The following TBL1XR1 variants were observed in gnomAD, a reference collection of about 807,000 sequenced individuals.
TBL1XR1 encodes TBL1X/Y related 1.
In TBL1XR1, 5 loss-of-function variants were observed where a neutral mutation model predicts 66.9. The ratio of observed to expected loss-of-function variants is 0.07; its 90% confidence interval spans 0.04 to 0.16. The LOEUF (loss-of-function observed/expected upper bound fraction) is 0.16. Among genes scored for constraint, TBL1XR1 ranks in the 10% least tolerant of loss-of-function variants. The pLI, the probability that TBL1XR1 is intolerant of heterozygous loss-of-function variation, is 1.00. For missense variants in TBL1XR1, 238 were observed against 623.2 expected (o/e 0.38, Z 6.58); for synonymous variants, 210 against 206.0 (o/e 1.02, Z -0.17).
intron 1 of TBL1XR1, among the ~76,000 whole-genome samples, chr3:177,103,890 G>T (rs2108686597): frequency 6.6e-6 from 1 of 152,182 alleles, no homozygotes; most frequent in South Asian, 2.1e-4. Context: ...CCAAGGCAGG[G>T]AGATCACTTG....
chr3:177,079,358 G>A (rs1721112211), intron 2 of TBL1XR1: 1 of 151,482 alleles, frequency 6.6e-6, no homozygotes, highest in African/African-American at 2.4e-5. Flanking sequence ...TCGTGAACTC[G>A]GGAGGTGGAG....
At chr3:177,080,917 T>G (rs1174438365) in intron 2 of TBL1XR1, among the ~76,000 whole-genome samples, 1 of 152,218 alleles carries the variant, frequency 6.6e-6, no homozygotes, top group Non-Finnish European at 1.5e-5. Context: ...ATGCTAAGGT[T>G]CTTACCTGGC....
At chr3:177,117,767 C>T (rs983207944) in intron 1 of TBL1XR1, among the ~76,000 whole-genome samples, 5 of 152,162 alleles carry the variant, frequency 3.3e-5, no homozygotes, top group Admixed American at 3.3e-4. Flanking sequence ...ATAAACTCTA[C>T]TTCTATGCCA....
At chr3:177,151,435 A>C (rs892687347) in intron 1 of TBL1XR1, among the ~76,000 whole-genome samples, 2 of 152,214 alleles carry the variant, frequency 1.3e-5, no homozygotes, top group African/African-American at 4.8e-5. Flanking sequence ...GATCAGCTAC[A>C]GCATTAGATT....
At chr3:177,119,025 G>A (rs1726659862) in intron 1 of TBL1XR1, among the ~76,000 whole-genome samples, 1 of 152,150 alleles carries the variant, frequency 6.6e-6, no homozygotes, top group African/African-American at 2.4e-5. Context: ...AGGCTGGAGT[G>A]CAGTGGCATG....
chr3:177,124,699 G>A lies in TBL1XR1; in HGVS notation c.-121-26158C>T, dbSNP rs1466759813. Among the ~76,000 whole-genome samples the A allele has an allele frequency of 3.3e-5, 5 of 151,912 alleles. 1 individual carries two copies. The highest frequency in any genetic ancestry group is 1.3e-4 in the Admixed American group (2 of 15,252). ...AAAGGGAACACAGTGCTTAACTCAC[G>A]GCATCTTTTTCTTCAATACTTAATA... On this transcript the variant is annotated intron_variant, in intron 1 of 15. Transcript: ENST00000457928.
intron 2 of TBL1XR1, among the ~76,000 whole-genome samples, chr3:177,077,820 T>C (rs1720878476): frequency 6.6e-6 from 1 of 152,274 alleles, no homozygotes; most frequent in Non-Finnish European, 1.5e-5. Flanking sequence ...TTTCCTCCTG[T>C]ACCCCTAAGT....
intron 1 of TBL1XR1, among the ~76,000 whole-genome samples, chr3:177,195,872 A>C (rs1457419670): frequency 1.3e-5 from 2 of 152,240 alleles, no homozygotes; most frequent in Non-Finnish European, 2.9e-5. Flanking sequence ...TAAATCACAT[A>C]GGTACTAAAA....
chr3:177,040,091 G>C (rs924647506), intron 10 of TBL1XR1, among the ~76,000 whole-genome samples: 60 of 152,318 alleles, frequency 3.9e-4, no homozygotes, highest in African/African-American at 1.4e-3. Context: ...GCAAAGGCAG[G>C]AGAACTGTTT....
intron 2 of TBL1XR1, chr3:177,078,620 G>C (rs931125135): frequency 6.6e-6 from 1 of 150,804 alleles, no homozygotes; most frequent in African/African-American, 2.4e-5. Context: ...AATTCAAGCA[G>C]TATTTACATA....
chr3:177,131,090 TC>T (rs752480392), intron 1 of TBL1XR1, among the ~76,000 whole-genome samples: 8 of 152,214 alleles, frequency 5.3e-5, no homozygotes, highest in Non-Finnish European at 1.2e-4. Flanking sequence ...ATTGAGAACT[TC>T]TTCAGCAAAT....
intron 1 of TBL1XR1, among the ~76,000 whole-genome samples, chr3:177,129,440 T>C (rs997344452): frequency 2.0e-5 from 3 of 152,238 alleles, no homozygotes; most frequent in African/African-American, 7.2e-5. Flanking sequence ...CTGATACGAT[T>C]TGGATGAATC....
At chr3:177,162,380 G>C (rs1278395854) in intron 1 of TBL1XR1, among the ~76,000 whole-genome samples, 1 of 152,202 alleles carries the variant, frequency 6.6e-6, no homozygotes, top group Non-Finnish European at 1.5e-5. Context: ...CTGCCTGCCG[G>C]AAGGCATGAA....
chr3:177,080,630 TA>T (rs1188724427), intron 2 of TBL1XR1, among the ~76,000 whole-genome samples: 5 of 152,278 alleles, frequency 3.3e-5, no homozygotes, highest in East Asian at 1.9e-4. Context: ...AAAAAATATA[TA>T]TTTTTTTTCA....
At chr3:177,199,666 C>G (rs983278735), upstream of TBL1XR1, among the ~76,000 whole-genome samples, 1 of 151,978 alleles carries the variant, frequency 6.6e-6, no homozygotes, top group Non-Finnish European at 1.5e-5. Context: ...TGACTTCTAT[C>G]CCTTATTCCA....
chr3:177,154,420 G>C (rs1367621266), intron 1 of TBL1XR1, among the ~76,000 whole-genome samples: 1 of 151,384 alleles, frequency 6.6e-6, no homozygotes, highest in East Asian at 1.9e-4. Flanking sequence ...TTTTAAGAAG[G>C]AGTTTTGCTC....
At chr3:177,198,195 G>C (rs1156932983), upstream of TBL1XR1, among the ~76,000 whole-genome samples, 1 of 152,186 alleles carries the variant, frequency 6.6e-6, no homozygotes, top group Non-Finnish European at 1.5e-5. Flanking sequence ...ATGTGATCCA[G>C]AGCACGGGAT....
intron 1 of TBL1XR1, among the ~76,000 whole-genome samples, chr3:177,186,466 A>G (rs575647121): frequency 6.6e-6 from 1 of 152,214 alleles, no homozygotes; most frequent in African/African-American, 2.4e-5. Flanking sequence ...CCCAAAGTAG[A>G]TGAGTCAATT....
At chr3:177,114,213 C>G (rs1460530250) in intron 1 of TBL1XR1, among the ~76,000 whole-genome samples, 4 of 150,964 alleles carry the variant, frequency 2.6e-5, no homozygotes, top group Non-Finnish European at 4.4e-5. Context: ...TGTATACATA[C>G]ATCATATATA....
Sources: allele counts gnomAD v4.1 joint callset (sites outside exome capture counted in the v4.1 genomes callset), GRCh38; gene constraint gnomAD v4.1.1; transcripts MANE v1.5; gene names NCBI Gene and HGNC (gene_info 2026-07-23, HGNC 2026-07-21).